Variants in EEA1 observed in about 807,000 individuals in gnomAD.
EEA1 encodes early endosome antigen 1, 162kD.
EEA1 carries 111 observed loss-of-function variants against 209.2 expected under a neutral mutation model. The observed-to-expected ratio is 0.53, with a 90% confidence interval of 0.45 to 0.62. The LOEUF is 0.62. Ranked by LOEUF, EEA1 falls within the 20% of genes least tolerant of loss-of-function variation. The pLI, the probability that EEA1 is intolerant of heterozygous loss-of-function variation, is 0.00. For synonymous variants in EEA1, 536 were observed against 540.6 expected (o/e 0.99, Z 0.12); for missense variants, 1,343 against 1,530.8 (o/e 0.88, Z 2.05).
chr12:92,786,101 T>C (rs1239266353), intron 22 of EEA1, among the ~76,000 whole-genome samples: 2 of 152,164 alleles, frequency 1.3e-5, no homozygotes, highest in Non-Finnish European at 2.9e-5. Context: ...TCTTCTATCA[T>C]TTAAATATCC....
intron 11 of EEA1, among the ~76,000 whole-genome samples, chr12:92,831,851 C>CGAGGCGGGTGGATCAT (rs1296309646): frequency 6.7e-6 from 1 of 149,218 alleles, no homozygotes; most frequent in East Asian, 1.9e-4. Context: ...TTTGGGAGGC[C>CGAGGCGGGTGGATCAT]GAGGCGGGTG....
Position 92,793,524 on chromosome 12 carries a change from A to C in EEA1, c.2967+5368T>G, listed in dbSNP as rs191603234. ...AGAGCCAAATCATGAGTGAACTCCC[A>C]TTCACAATTGCTACAAAGAGAATAA... is the stretch of plus-strand genomic sequence containing the variant. On this transcript the variant is annotated intron_variant, in intron 21 of 28. Coordinates refer to ENST00000322349, the MANE Select transcript of EEA1 (RefSeq NM_003566.4). 1.0e-3 allele frequency among the ~76,000 whole-genome samples: 154 copies of C among 152,328 alleles called. 1 individual carries two copies. In the East Asian group the frequency reaches 0.028, roughly 28 times the overall value.
intron 2 of EEA1, among the ~76,000 whole-genome samples, chr12:92,874,548 T>C (rs1878794438): frequency 6.6e-6 from 1 of 152,154 alleles, no homozygotes; most frequent in Non-Finnish European, 1.5e-5. Context: ...GTATTTTTAG[T>C]AGAGACGGGG....
At chr12:92,776,248 G>C in intron 28 of EEA1, 115 bp from the exon 29 acceptor site, 1 of 940,220 alleles carries the variant, frequency 1.1e-6, no homozygotes, top group Non-Finnish European at 1.5e-6. Flanking sequence ...TCAAGTCATT[G>C]GTATATTATT....
At chr12:92,870,967 C>G (rs997785172) in intron 2 of EEA1, among the ~76,000 whole-genome samples, 4 of 152,136 alleles carry the variant, frequency 2.6e-5, no homozygotes, top group African/African-American at 9.7e-5. Flanking sequence ...CCTCAGCCTC[C>G]CAAAGTGCTA....
intron 13 of EEA1, chr12:92,821,103 T>C (rs1876033025): frequency 1.3e-5 from 2 of 152,154 alleles, no homozygotes; most frequent in South Asian, 4.1e-4. Context: ...TCAATCCCAA[T>C]TTCTGCCAAT....
chr12:92,803,005 G>C (rs998138848), intron 18 of EEA1, among the ~76,000 whole-genome samples: 1 of 151,852 alleles, frequency 6.6e-6, no homozygotes, highest in African/African-American at 2.4e-5. Flanking sequence ...ATCCATTTTT[G>C]TCCGCCACAA....
chr12:92,902,607 G>A (rs1565857944), intron 1 of EEA1, among the ~76,000 whole-genome samples: 1 of 152,112 alleles, frequency 6.6e-6, no homozygotes. Flanking sequence ...TGGGTGTGGT[G>A]GCGGGCGCTT....
intron 12 of EEA1, among the ~76,000 whole-genome samples, chr12:92,827,569 T>C (rs1876375041): frequency 6.6e-6 from 1 of 152,184 alleles, no homozygotes; most frequent in South Asian, 2.1e-4. Context: ...ACCAACTACA[T>C]GTCATTAACG....
intron 6 of EEA1, 118 bp downstream of exon 6, chr12:92,853,797 A>T: frequency 1.3e-6 from 1 of 770,940 alleles, no homozygotes; most frequent in Non-Finnish European, 2.0e-6. Flanking sequence ...TCACTGTTTT[A>T]GAGTCATAAA....
intron 2 of EEA1, among the ~76,000 whole-genome samples, chr12:92,875,035 C>T (rs557879759): frequency 3.3e-5 from 5 of 152,112 alleles, no homozygotes; most frequent in South Asian, 4.2e-4. Flanking sequence ...TTTTAAAAAT[C>T]ACATGGGCAT....
At chr12:92,831,521 G>T (rs1226037823) in intron 11 of EEA1, among the ~76,000 whole-genome samples, 3 of 146,770 alleles carry the variant, frequency 2.0e-5, no homozygotes, top group Admixed American at 1.4e-4. Context: ...AATAATATAT[G>T]AATTATATAT....
rs1285652151 is a variant in EEA1, at chr12:92,770,993, A to G, written c.*5018T>C. On this transcript the variant is annotated 3_prime_UTR_variant, in exon 29 of 29. Coordinates refer to ENST00000322349, the MANE Select transcript of EEA1 (RefSeq NM_003566.4). ...GCCATAAAAATACTTTCTGGTTTTG[A>G]TTGGTGTGTGTGTGTGTGTGTGTGT... is the stretch of plus-strand genomic sequence containing the variant. 5 of 59,982 alleles carry G rather than the reference A, an allele frequency of 8.3e-5. No individual in the cohort carries two copies. The highest frequency in any genetic ancestry group is 1.1e-4 in the Non-Finnish European group (3 of 26,350). 3.7% of individuals were successfully genotyped at this position (59,982 alleles called of 1,614,324 possible). A position where few individuals can be genotyped will look rare whatever the true frequency, so the allele number is the denominator to read the frequency against.
intron 15 of EEA1, among the ~76,000 whole-genome samples, chr12:92,814,130 T>C (rs1247425429): frequency 1.3e-5 from 2 of 152,106 alleles, no homozygotes; most frequent in Non-Finnish European, 2.9e-5. Flanking sequence ...TTTTAGCTGG[T>C]TGAAGAGAGG....
chr12:92,827,383 A>G (rs1484289608), intron 12 of EEA1, among the ~76,000 whole-genome samples: 1 of 152,206 alleles, frequency 6.6e-6, no homozygotes, highest in East Asian at 1.9e-4. Context: ...TTAAAAATTA[A>G]AAACTTAAAA....
Position 92,929,083 on chromosome 12 carries a change from G to T in EEA1, c.-17C>A, listed in dbSNP as rs1406555396. ...CCTTAACATGGTTTAACCACCACCC[G>T]GCGCCGCCGCGGTGACTCTCCAGAC... On this transcript the variant is annotated 5_prime_UTR_variant, in exon 1 of 29. Transcript: ENST00000322349. The T allele has an allele frequency of 6.3e-7, 1 of 1,587,670 alleles. No homozygotes were observed. Among genetic ancestry groups the T allele is most frequent in the African/African-American group, 1.4e-5 (1 of 72,546 alleles).
chr12:92,849,181 TTC>T (rs1480845317), intron 9 of EEA1, among the ~76,000 whole-genome samples: 1 of 152,234 alleles, frequency 6.6e-6, no homozygotes, highest in Non-Finnish European at 1.5e-5. Context: ...ATTAATTTGG[TTC>T]TGTTTTAGTC....
In EEA1 at chr12:92,801,682, A is replaced by G; in HGVS notation, c.2690T>C (p.Leu897Ser). 1 of 1,590,860 alleles carries G rather than the reference A, an allele frequency of 6.3e-7. No homozygotes were observed. The highest frequency in any genetic ancestry group is 8.5e-7 in the Non-Finnish European group (1 of 1,171,942). ...CATCTGCACTTGAAGTTGATGCTTT[A>G]ATTCTTTGCAAGTTTTTTCCTTAAA... ...ILDLEKTCKE[L>S]KHQLQVQMEN... Residue 897 changes from leucine (L) to serine (S), a missense_variant, in exon 20 of 29, where the codon TTA becomes TCA. Physicochemically the swap from Leu to Ser is moderately radical, Grantham distance 145 (BLOSUM62 -2). Coordinates refer to ENST00000322349, the MANE Select transcript of EEA1 (RefSeq NM_003566.4).
intron 1 of EEA1, among the ~76,000 whole-genome samples, chr12:92,927,130 G>C (rs1282433197): frequency 6.6e-6 from 1 of 152,190 alleles, no homozygotes; most frequent in Non-Finnish European, 1.5e-5. Context: ...CTCAACCAGA[G>C]GCAATTTTGC....
Sources: allele counts gnomAD v4.1 joint callset (sites outside exome capture counted in the v4.1 genomes callset), GRCh38; gene constraint gnomAD v4.1.1; transcripts MANE v1.5; gene names NCBI Gene and HGNC (gene_info 2026-07-23, HGNC 2026-07-21).